The following NXPH1 variants were observed in gnomAD, a reference collection of about 807,000 sequenced individuals.
NXPH1 encodes neurexophilin 1.
In NXPH1, 5 loss-of-function variants were observed where a neutral mutation model predicts 23.7. The ratio of observed to expected loss-of-function variants is 0.21; its 90% CI spans 0.11 to 0.44. NXPH1 has a LOEUF of 0.44. Among genes scored for constraint, NXPH1 ranks in the 20% least tolerant of loss-of-function variants. The probability of loss-of-function intolerance (pLI) is 0.99; values close to 1 mark genes in which losing one functional copy is unlikely to be tolerated. For missense variants in NXPH1, 324 were observed against 321.6 expected (o/e 1.01, Z -0.06); for synonymous variants, 144 against 122.2 (o/e 1.18, Z -1.18).
chr7:8,654,835 A>G (rs931134610), intron 2 of NXPH1, among the ~76,000 whole-genome samples: 26 of 152,158 alleles, frequency 1.7e-4, no homozygotes, highest in Non-Finnish European at 3.4e-4. Context: ...GGCACAGAAG[A>G]AAGAAGGGGT....
chr7:8,704,185 T>C (rs555475534), intron 2 of NXPH1, among the ~76,000 whole-genome samples: 34 of 152,146 alleles, frequency 2.2e-4, no homozygotes, highest in South Asian at 1.0e-3. Flanking sequence ...CTGCTGAAAG[T>C]GGTTGTAAAA....
At chr7:8,481,521 T>C (rs1024035928) in intron 2 of NXPH1, among the ~76,000 whole-genome samples, 7 of 152,202 alleles carry the variant, frequency 4.6e-5, no homozygotes, top group African/African-American at 1.7e-4. Flanking sequence ...CTGTTTTCAT[T>C]GATCTTGGAT....
chr7:8,623,260 T>G (rs1247035015), intron 2 of NXPH1, among the ~76,000 whole-genome samples: 2 of 151,190 alleles, frequency 1.3e-5, no homozygotes, highest in Admixed American at 6.6e-5. Flanking sequence ...AGGAGAAGAG[T>G]AGAGACAAAG....
At chr7:8,463,937 A>G (rs1281030472) in intron 2 of NXPH1, among the ~76,000 whole-genome samples, 1 of 152,030 alleles carries the variant, frequency 6.6e-6, no homozygotes, top group Admixed American at 6.6e-5. Context: ...TGTCATTTGG[A>G]CCTTTCTTAG....
At chr7:8,684,731 C>T (rs1254352829) in intron 2 of NXPH1, among the ~76,000 whole-genome samples, 1 of 152,156 alleles carries the variant, frequency 6.6e-6, no homozygotes, top group Admixed American at 6.6e-5. Flanking sequence ...AAGTCATTTC[C>T]TTCAGTGTCC....
intron 2 of NXPH1, among the ~76,000 whole-genome samples, chr7:8,682,468 G>A (rs547828180): frequency 6.6e-6 from 1 of 152,082 alleles, no homozygotes; most frequent in Non-Finnish European, 1.5e-5. Flanking sequence ...ATTTAATAAA[G>A]ACTCTGGAAT....
intron 2 of NXPH1, among the ~76,000 whole-genome samples, chr7:8,551,096 T>C (rs1818269122): frequency 6.6e-6 from 1 of 151,496 alleles, no homozygotes; most frequent in South Asian, 2.1e-4. Context: ...AAAAATTCTA[T>C]CAGCTGTGCA....
At chr7:8,570,492 T>C (rs1490733559) in intron 2 of NXPH1, among the ~76,000 whole-genome samples, 2 of 152,044 alleles carry the variant, frequency 1.3e-5, no homozygotes, top group African/African-American at 4.8e-5. Context: ...ATGAGCCTTG[T>C]ATACTATAGT....
chr7:8,677,784 AAAAC>A (rs1459691121), intron 2 of NXPH1, among the ~76,000 whole-genome samples: 1 of 151,828 alleles, frequency 6.6e-6, no homozygotes, highest in African/African-American at 2.4e-5. Flanking sequence ...TATTGATAAT[AAAAC>A]AATGCATTTT....
At chr7:8,523,879 C>T (rs1252116416) in intron 2 of NXPH1, among the ~76,000 whole-genome samples, 3 of 152,168 alleles carry the variant, frequency 2.0e-5, no homozygotes, top group South Asian at 2.1e-4. Flanking sequence ...CTTTTGCCAA[C>T]CTGCATGCCC....
At chr7:8,634,170 G>A (rs189049587) in intron 2 of NXPH1, among the ~76,000 whole-genome samples, 54 of 152,140 alleles carry the variant, frequency 3.5e-4, no homozygotes, top group Admixed American at 3.0e-3. Flanking sequence ...TAATCCCCAC[G>A]TATCATGGGA....
chr7:8,469,329 G>A (rs1226171001), intron 2 of NXPH1, among the ~76,000 whole-genome samples: 1 of 151,842 alleles, frequency 6.6e-6, no homozygotes, highest in Non-Finnish European at 1.5e-5. Context: ...ATAGTCACAT[G>A]AACATTAAAA....
chr7:8,732,047 G>A (rs557834821), intron 2 of NXPH1, among the ~76,000 whole-genome samples: 5 of 152,348 alleles, frequency 3.3e-5, no homozygotes, highest in South Asian at 2.1e-4. Context: ...CTCCTGGTGC[G>A]CCATTTTTTA....
At chr7:8,462,009 AT>A (rs1183712489) in intron 2 of NXPH1, among the ~76,000 whole-genome samples, 1 of 151,704 alleles carries the variant, frequency 6.6e-6, no homozygotes, top group Non-Finnish European at 1.5e-5. Context: ...ACTCTTTTAA[AT>A]GACCACACTG....
chr7:8,523,145 T>C (rs1412574155), intron 2 of NXPH1, among the ~76,000 whole-genome samples: 1 of 152,234 alleles, frequency 6.6e-6, no homozygotes, highest in Non-Finnish European at 1.5e-5. Flanking sequence ...CCAGTAATGC[T>C]GGCACAGTTT....
intron 2 of NXPH1, among the ~76,000 whole-genome samples, chr7:8,718,659 G>A (rs985061176): frequency 4.6e-5 from 7 of 152,072 alleles, no homozygotes; most frequent in African/African-American, 1.4e-4. Context: ...ATCCTTTTCC[G>A]AATCTTCCTA....
At chr7:8,697,438 C>T (rs965664596) in intron 2 of NXPH1, among the ~76,000 whole-genome samples, 20 of 152,064 alleles carry the variant, frequency 1.3e-4, no homozygotes, top group African/African-American at 4.8e-4. Flanking sequence ...GCTCAGACTG[C>T]AATAGTAGCC....
chr7:8,587,805 G>C (rs1363417535), intron 2 of NXPH1, among the ~76,000 whole-genome samples: 1 of 152,116 alleles, frequency 6.6e-6, no homozygotes, highest in African/African-American at 2.4e-5. Flanking sequence ...TCCCTGCAAA[G>C]GACATGAACT....
intron 2 of NXPH1, among the ~76,000 whole-genome samples, chr7:8,611,907 A>T (rs1208727352): frequency 1.3e-5 from 2 of 152,084 alleles, no homozygotes; most frequent in Non-Finnish European, 2.9e-5. Flanking sequence ...AACTTTAGGC[A>T]ATTAATTTGT....
Sources: allele counts gnomAD v4.1 joint callset (sites outside exome capture counted in the v4.1 genomes callset), GRCh38; gene constraint gnomAD v4.1.1; transcripts MANE v1.5; gene names NCBI Gene and HGNC (gene_info 2026-07-23, HGNC 2026-07-21).